MCOLN1: variants seen among roughly 807,000 people sequenced by gnomAD.
The protein encoded by MCOLN1 is mucolipin-1.
In MCOLN1, 50 loss-of-function variants were observed where a neutral mutation model predicts 70.3. The ratio of observed to expected loss-of-function variants is 0.71; its 90% CI spans 0.57 to 0.90. MCOLN1 has a LOEUF of 0.90. Among genes scored for constraint, MCOLN1 ranks in the 40% least tolerant of loss-of-function variants. MCOLN1 has a pLI of 0.00. For synonymous variants in MCOLN1, 366 were observed against 341.0 expected, an observed-to-expected ratio of 1.07 and a Z score of -0.81; for missense variants, 598 against 803.5, an observed-to-expected ratio of 0.74 and a Z score of 3.09.
chr19:7,530,384 C>A lies in MCOLN1; in HGVS notation c.1458C>A (p.Arg486=), dbSNP rs1453967813. The stretch of plus-strand genomic sequence containing the variant: ...CCGCCATGCAGGCGCAGCAGGGCCG[C>A]AGCAGCCTGGTGTGGCTCTTCTCCC... ...TFAAMQAQQG[R]SSLVWLFSQL... is the part of the protein sequence containing the mutation. Residue 486 remains arginine, a synonymous_variant, in exon 12 of 14, where the codon CGC becomes CGA. Transcript: ENST00000264079. 5.6e-6 allele frequency: 9 copies of A among 1,613,986 alleles called. No homozygotes were observed. The highest frequency in any genetic ancestry group is 1.7e-6 in the Non-Finnish European group (2 of 1,180,032).
At position 7,527,567 on chromosome 19, in the gene MCOLN1, G is replaced by A. The variant is rs147718736; in HGVS notation, c.619G>A (p.Asp207Asn). The change falls in exon 5 of 14, where the codon GAC becomes AAC. Residue 207 changes from aspartate (D) to asparagine (N), a missense_variant. Physicochemically the swap from Asp to Asn is conservative, Grantham distance 23 (BLOSUM62 1). Transcript: ENST00000264079. ...CGAGCGGCCCCCTCCGCCCCCCAGC[G>A]ACGATCTCACCCTCTTGGAAAGCAG... ...PPERPPPPPS[D>N]DLTLLESSSS... 93 of 1,612,462 alleles carry A rather than the reference G, an allele frequency of 5.8e-5. No homozygotes were observed. The African/African-American group carries it at 7.7e-4, about 13-fold the overall frequency.
At chr19:7,527,381 C>G in intron 4 of MCOLN1, 139 bp from the exon 5 acceptor site, 1 of 698,332 alleles carries the variant, frequency 1.4e-6, no homozygotes, top group Admixed American at 2.2e-5. Flanking sequence ...GTAAAACATC[C>G]GCAGGCCCAG....
chr19:7,527,202 G>T (rs997017833), intron 4 of MCOLN1: 14 of 552,258 alleles, frequency 2.5e-5, no homozygotes, highest in Non-Finnish European at 3.3e-5. Context: ...AGTCCGGGAG[G>T]TTGAGGCTGC....
chr19:7,533,607 C>G lies in MCOLN1; in HGVS notation c.1660C>G (p.Arg554Gly). Reference sequence around the variant, plus strand: ...GGACAGCCCCACCTCCGGCAAGTTCCGCCGCGGGAGCGGCTCGGCCTGCAG... The same window carrying G: ...GGACAGCCCCACCTCCGGCAAGTTCGGCCGCGGGAGCGGCTCGGCCTGCAG... ...CQDSPTSGKF[R>G]RGSGSACSLL... The change falls in exon 13 of 14, where the codon CGC becomes GGC. Residue 554 changes from arginine to glycine, a missense_variant. This residue lies in a region of MCOLN1 where 59 missense variants were observed against 58.8 expected (regional missense o/e 1.00). Coordinates refer to ENST00000264079, the MANE Select transcript of MCOLN1 (RefSeq NM_020533.3). The G allele has an allele frequency of 6.2e-7, 1 of 1,613,610 alleles. No homozygotes were observed. The highest frequency in any genetic ancestry group is 8.5e-7 in the Non-Finnish European group (1 of 1,179,980).
At chr19:7,529,501 G>GGCCCCCCC in intron 10 of MCOLN1, 89 bp from the exon 11 acceptor site, 5 of 747,248 alleles carry the variant, frequency 6.7e-6, no homozygotes, top group East Asian at 2.9e-5. Context: ...CCTCGGCAAG[G>GGCCCCCCC]CCCCGCCCCT....
chr19:7,530,026 C>G (rs1273722701), intron 11 of MCOLN1, among the ~76,000 whole-genome samples: 2 of 151,864 alleles, frequency 1.3e-5, no homozygotes, highest in African/African-American at 4.8e-5. Flanking sequence ...GTGACCCCAG[C>G]CTGGGACCCG....
In MCOLN1 at chr19:7,526,180, G is replaced by A; in HGVS notation, c.238-259G>A. ...TTAGTCCCTGCAGTGAGATAGATGAGTCCCCACCCTGTGTTGTACGGGGGA... is the reference window on the plus strand; with the variant it reads ...TTAGTCCCTGCAGTGAGATAGATGAATCCCCACCCTGTGTTGTACGGGGGA... On this transcript the variant is annotated intron_variant, in intron 2 of 13. Coordinates refer to ENST00000264079, the MANE Select transcript of MCOLN1 (RefSeq NM_020533.3). The surrounding 1 kb of genome is among the most constrained non-coding windows in gnomAD (Gnocchi z 4.6). 1.8e-6 allele frequency: 1 copy of A among 571,160 alleles called. No homozygotes were observed. The highest frequency in any genetic ancestry group is 2.0e-5 in the South Asian group (1 of 50,814). 35.4% of individuals were successfully genotyped at this position (571,160 alleles called of 1,614,324 possible). A position where few individuals can be genotyped will look rare whatever the true frequency, so the allele number is the denominator to read the frequency against.
Position 7,528,837 on chromosome 19 carries a change from T to C in MCOLN1, c.1001T>C (p.Met334Thr), listed in dbSNP as rs778371056. 8.7e-6 allele frequency: 14 copies of C among 1,614,114 alleles called. No individual in the cohort carries two copies. The highest frequency in any genetic ancestry group is 8.0e-5 in the African/African-American group (6 of 74,946). Residue 334 changes from methionine (M) to threonine (T), a missense_variant, in exon 9 of 14, where the codon ATG becomes ACG. Met to Thr is a moderately conservative substitution (Grantham distance 81). Around this residue, in one of 3 missense-constraint regions of MCOLN1, gnomAD observed 461 missense variants for 588.4 expected, o/e 0.78. Coordinates refer to ENST00000264079, the MANE Select transcript of MCOLN1 (RefSeq NM_020533.3). The surrounding 1 kb of genome is among the most constrained non-coding windows in gnomAD (Gnocchi z 4.2). ...FLLQNEFVGF[M>T]WRQRGRVISL... ...CTTCTGCAGGAGTTTGTGGGGTTCA[T>C]GTGGCGGCAGCGGGGACGGGTCATC...
chr19:7,532,705 ACT>A (rs1568400921), intron 12 of MCOLN1, among the ~76,000 whole-genome samples: 2 of 152,300 alleles, frequency 1.3e-5, no homozygotes, highest in South Asian at 4.1e-4. Flanking sequence ...AGAGACCGAG[ACT>A]CTGCTTCAAA....
At position 7,528,633 on chromosome 19, in the gene MCOLN1, T is replaced by C; in HGVS notation, c.914T>C (p.Val305Ala). ...NSFRLLFDVV[V>A]ILTCSLSFLL... ...TTCCGGCTCCTGTTTGACGTGGTGG[T>C]CATCCTCACCTGCTCCCTGTCCTTC... Residue 305 changes from valine (V) to alanine (A), a missense_variant, in exon 8 of 14, where the codon GTC becomes GCC. Transcript: ENST00000264079. This position sits in a 1 kb window ranked among gnomAD's most constrained non-coding sequence, Gnocchi z 4.2. 1.2e-6 allele frequency: 2 copies of C among 1,614,212 alleles called. No individual in the cohort carries two copies. The highest frequency in any genetic ancestry group is 1.7e-6 in the Non-Finnish European group (2 of 1,180,028).
At chr19:7,529,551 G>T in intron 10 of MCOLN1, 39 bp from the exon 11 acceptor site, 1 of 1,358,336 alleles carries the variant, frequency 7.4e-7, no homozygotes, top group South Asian at 1.1e-5. Flanking sequence ...CCTGAGTTGT[G>T]GCCACACCCT....
At position 7,524,109 on chromosome 19, in the gene MCOLN1, G is replaced by A. The variant is rs928456613; in HGVS notation, c.32-852G>A. ...GATCCTCCCACCTTGGCCTCCCAAA[G>A]CCGTTGGGATAACAGGCATGAGCCA... On this transcript the variant is annotated intron_variant, in intron 1 of 13. Transcript: ENST00000264079. This position sits in a 1 kb window ranked among gnomAD's most constrained non-coding sequence, Gnocchi z 4.1. Among the ~76,000 whole-genome samples the A allele has an allele frequency of 6.6e-6, 1 of 152,074 alleles. No homozygotes were observed. The highest frequency in any genetic ancestry group is 1.5e-5 in the Non-Finnish European group (1 of 68,016).
intron 12 of MCOLN1, among the ~76,000 whole-genome samples, chr19:7,531,915 C>T (rs927464931): frequency 6.6e-6 from 1 of 152,182 alleles, no homozygotes. Context: ...ATCCGCCCAC[C>T]TCAGGCTCCC....
chr19:7,531,184 C>T (rs142653213), intron 12 of MCOLN1, among the ~76,000 whole-genome samples: 1,937 of 152,252 alleles, frequency 0.013, 44 homozygotes, highest in African/African-American at 0.045. Context: ...AGGCGTAAGC[C>T]ACCACACCCA....
chr19:7,522,821 C>A (rs2022514025), intron 1 of MCOLN1, 40 bp downstream of exon 1: 4 of 1,312,066 alleles, frequency 3.0e-6, no homozygotes, highest in Non-Finnish European at 3.9e-6. Flanking sequence ...CGAACTCAGG[C>A]GGGCGGGCTG....
intron 1 of MCOLN1, among the ~76,000 whole-genome samples, chr19:7,523,845 G>A (rs2022529475): frequency 1.3e-5 from 2 of 152,052 alleles, no homozygotes; most frequent in African/African-American, 4.8e-5. Context: ...GGCTCAGGGA[G>A]AGGGTGGACT....
At chr19:7,530,206 G>A (rs1599256019) in intron 11 of MCOLN1, 80 bp from the exon 12 acceptor site, 10 of 1,279,082 alleles carry the variant, frequency 7.8e-6, no homozygotes, top group Middle Eastern at 2.4e-4. Context: ...CTAGCCATTT[G>A]CATGGGACCC....
rs778240176 is a variant in MCOLN1, at chr19:7,533,901, C to T, written c.*106C>T. 2 of 1,413,350 alleles carry T rather than the reference C, an allele frequency of 1.4e-6. No homozygotes were observed. The highest frequency in any genetic ancestry group is 2.0e-6 in the Non-Finnish European group (2 of 1,019,334). 87.6% of individuals were successfully genotyped at this position (1,413,350 alleles called of 1,614,324 possible). On this transcript the variant is annotated 3_prime_UTR_variant, in exon 14 of 14. Coordinates refer to ENST00000264079, the MANE Select transcript of MCOLN1 (RefSeq NM_020533.3). ...TTGCTTTTAAGGATCGGCTCCCTGT[C>T]GCGCCCGAGGAGGGCCTGGACCTTT...
chr19:7,525,236 T>A lies in MCOLN1; in HGVS notation c.237+70T>A. On this transcript the variant is annotated intron_variant, in intron 2 of 13. Transcript: ENST00000264079. The surrounding 1 kb of genome is among the most constrained non-coding windows in gnomAD (Gnocchi z 4.2). Reference sequence around the variant, plus strand: ...CTGCTGTGCTCCTTGAAGAGAGTCTTAAAGCAGCACTTTGGAAGGCCGAGG... The same window carrying A: ...CTGCTGTGCTCCTTGAAGAGAGTCTAAAAGCAGCACTTTGGAAGGCCGAGG... The A allele has an allele frequency of 6.9e-7, 1 of 1,451,730 alleles. No homozygotes were observed. Among genetic ancestry groups the A allele is most frequent in the Non-Finnish European group, 9.6e-7 (1 of 1,038,100 alleles). 89.9% of individuals were successfully genotyped at this position (1,451,730 alleles called of 1,614,324 possible). A position where few individuals can be genotyped will look rare whatever the true frequency, so the allele number is the denominator to read the frequency against.
Sources: gnomAD v4.1 joint callset for allele counts (sites outside exome capture counted in the v4.1 genomes callset) on GRCh38, gnomAD v4.1.1 for gene constraint, gnomAD v4.1.1 regional missense constraint, Gnocchi (gnomAD v3.1) non-coding constraint, MANE v1.5 for transcripts, NCBI Gene and HGNC (gene_info 2026-07-23, HGNC 2026-07-21) for gene names.